Variants in LDAH observed in about 807,000 individuals in gnomAD.
The protein encoded by LDAH is lipid droplet associated hydrolase, also known as lipid droplet-associated hydrolase.
LDAH carries 26 observed loss-of-function variants against 29.6 expected under a neutral mutation model. The observed-to-expected ratio is 0.88, with a 90% CI of 0.64 to 1.22. The LOEUF (loss-of-function observed/expected upper bound fraction) is 1.22. Among genes scored for constraint, LDAH ranks in the 50% most tolerant of loss-of-function variants. LDAH has a pLI of 0.00. For missense variants in LDAH, 344 were observed against 387.3 expected (o/e 0.89, Z 0.94); for synonymous variants, 117 against 133.0 (o/e 0.88, Z 0.83).
intron 3 of LDAH, among the ~76,000 whole-genome samples, chr2:20,785,011 A>T (rs1670450062): frequency 6.6e-6 from 1 of 152,222 alleles, no homozygotes; most frequent in Non-Finnish European, 1.5e-5. Flanking sequence ...TTATAACATG[A>T]TTGACATTCA....
Position 20,739,854 on chromosome 2 carries a change from GA to G in LDAH, c.703+116del, listed in dbSNP as rs1212293599. ...TATTTCTAGTTTTAAACTTTTGGAA[GA>G]GGAAAAAAAAACTAGTAAATAATTG... On this transcript the variant is annotated intron_variant, in intron 5 of 6. Transcript: ENST00000237822. 1.4e-5 allele frequency: 9 copies of G among 663,270 alleles called. No individual in the cohort carries two copies. In the East Asian group the frequency reaches 2.0e-4, roughly 15 times the overall value. 41.1% of individuals were successfully genotyped at this position (663,270 alleles called of 1,614,324 possible).
intron 1 of LDAH, among the ~76,000 whole-genome samples, chr2:20,814,245 A>C (rs1572692442): frequency 1.4e-5 from 2 of 147,320 alleles, no homozygotes; most frequent in East Asian, 4.0e-4. Flanking sequence ...GGGGGGGTCC[A>C]TGGTTTATTT....
intron 1 of LDAH, among the ~76,000 whole-genome samples, chr2:20,812,670 A>C (rs915083055): frequency 3.9e-5 from 6 of 152,232 alleles, no homozygotes; most frequent in African/African-American, 2.4e-5. Flanking sequence ...AGCAAAATAA[A>C]AAGGAACAAT....
intron 5 of LDAH, among the ~76,000 whole-genome samples, chr2:20,719,465 G>GAAA (rs1553338683): frequency 1.0e-4 from 14 of 136,028 alleles, no homozygotes; most frequent in Non-Finnish European, 3.3e-5. Context: ...CAAATAATGA[G>GAAA]TAAGATCTAA....
chr2:20,800,675 C>A (rs565406127), intron 2 of LDAH, among the ~76,000 whole-genome samples: 3 of 152,120 alleles, frequency 2.0e-5, no homozygotes, highest in African/African-American at 7.2e-5. Flanking sequence ...GCTCTGCCCC[C>A]CAGGCTGGAG....
At chr2:20,755,129 TTGTGTGTGTGTG>T (rs70939051) in intron 4 of LDAH, among the ~76,000 whole-genome samples, 4 of 118,210 alleles carry the variant, frequency 3.4e-5, no homozygotes, top group Non-Finnish European at 5.5e-5. Flanking sequence ...GTGTCTGTGT[TTGTGTGTGTGTG>T]TGTGTGTGTG....
At chr2:20,729,765 A>G (rs150281963) in intron 5 of LDAH, among the ~76,000 whole-genome samples, 17 of 152,304 alleles carry the variant, frequency 1.1e-4, no homozygotes, top group Non-Finnish European at 1.6e-4. Context: ...ATCTTGCAAA[A>G]CCACAGTATA....
chr2:20,751,026 A>G (rs1210247324), intron 4 of LDAH, among the ~76,000 whole-genome samples: 1 of 152,180 alleles, frequency 6.6e-6, no homozygotes, highest in Non-Finnish European at 1.5e-5. Flanking sequence ...GGGATTGAAA[A>G]ACTACCTATT....
At position 20,792,824 on chromosome 2, in the gene LDAH, A is replaced by T. The variant is rs371447085; in HGVS notation, c.155-2426T>A. On this transcript the variant is annotated intron_variant, in intron 2 of 6. Transcript: ENST00000237822. ...GCATGCAGGCATTAAAACCTAGATG[A>T]TGGGTTGACAGGTGCAGCAAACCAC... is the stretch of plus-strand genomic sequence containing the variant. 1.2e-3 allele frequency among the ~76,000 whole-genome samples: 189 copies of T among 152,268 alleles called. 6 individuals carry two copies. In the South Asian group the frequency reaches 0.039, roughly 31 times the overall value.
rs576883354 is a variant in LDAH at position 20,800,644 on chromosome 2, A to AT, written c.154+665dup. On this transcript the variant is annotated intron_variant, in intron 2 of 6. Transcript: ENST00000237822. Reference sequence around the variant, plus strand: ...TTTTTTATTTTTTATTTTTTTAAATATTTTTTTGAGACGGAGTCTCGCTCT... The same window carrying AT: ...TTTTTTATTTTTTATTTTTTTAAATATTTTTTTTGAGACGGAGTCTCGCTCT... Among the ~76,000 whole-genome samples the AT allele has an allele frequency of 4.2e-3, 643 of 151,932 alleles. 4 individuals carry two copies. The highest frequency in any genetic ancestry group is 0.015 in the African/African-American group (616 of 41,486).
intron 2 of LDAH, among the ~76,000 whole-genome samples, chr2:20,792,317 G>C (rs756275727): frequency 6.6e-6 from 1 of 151,920 alleles, no homozygotes; most frequent in African/African-American, 2.4e-5. Flanking sequence ...GCAGTGTTTA[G>C]GTGCTTTACA....
chr2:20,719,125 CA>C (rs1665455602), intron 5 of LDAH, among the ~76,000 whole-genome samples: 1 of 149,726 alleles, frequency 6.7e-6, no homozygotes, highest in South Asian at 2.1e-4. Flanking sequence ...AAGAACAAAT[CA>C]AACCTAAAAT....
intron 5 of LDAH, among the ~76,000 whole-genome samples, chr2:20,704,313 TTATATACTAAGAAGCTGGAC>T (rs1242873196): frequency 2.0e-5 from 3 of 152,196 alleles, no homozygotes; most frequent in African/African-American, 7.2e-5. Context: ...TTAGTCGCAG[TTATATACTAAGAAGCTGGAC>T]TATAAGACTC....
chr2:20,704,649 G>A (rs915518005), intron 5 of LDAH, among the ~76,000 whole-genome samples: 7 of 152,190 alleles, frequency 4.6e-5, no homozygotes, highest in Middle Eastern at 3.4e-3. Flanking sequence ...ATAATAACAC[G>A]TTATCTCTGG....
chr2:20,703,303 C>G (rs1664082790), intron 5 of LDAH, among the ~76,000 whole-genome samples: 1 of 152,226 alleles, frequency 6.6e-6, no homozygotes. Context: ...GAGGAAGCCT[C>G]TCTGAACTCT....
At chr2:20,755,572 A>G (rs1235136160) in intron 4 of LDAH, among the ~76,000 whole-genome samples, 8 of 152,170 alleles carry the variant, frequency 5.3e-5, no homozygotes, top group Non-Finnish European at 1.2e-4. Flanking sequence ...AGACTTGATG[A>G]ATGAAAGGCT....
intron 1 of LDAH, among the ~76,000 whole-genome samples, chr2:20,807,974 T>C (rs1007690178): frequency 5.4e-5 from 8 of 149,068 alleles, no homozygotes; most frequent in Non-Finnish European, 7.4e-5. Flanking sequence ...TTTGAATTAA[T>C]AAGTGAATGC....
intron 3 of LDAH, among the ~76,000 whole-genome samples, chr2:20,784,641 T>C (rs1161037610): frequency 5.3e-5 from 8 of 152,122 alleles, no homozygotes. Context: ...TCCCAGCACT[T>C]TGGGAAGCTG....
At chr2:20,758,917 C>G (rs1317371481) in intron 4 of LDAH, among the ~76,000 whole-genome samples, 2 of 152,186 alleles carry the variant, frequency 1.3e-5, no homozygotes, top group East Asian at 1.9e-4. Context: ...GGAGAACCCT[C>G]CTGGTACCCA....
Sources: gnomAD v4.1 joint callset for allele counts (sites outside exome capture counted in the v4.1 genomes callset) on GRCh38, gnomAD v4.1.1 for gene constraint, MANE v1.5 for transcripts, NCBI Gene and HGNC (gene_info 2026-07-23, HGNC 2026-07-21) for gene names.